VWC2: variants seen among roughly 807,000 people sequenced by gnomAD.
VWC2 encodes brorin.
In VWC2, 14 loss-of-function variants were observed where a neutral mutation model predicts 29.8. The ratio of observed to expected loss-of-function variants is 0.47; its 90% CI spans 0.31 to 0.74. The LOEUF is 0.74. VWC2 is among the 30% of genes least tolerant of loss of function. The pLI is 0.05. For missense variants in VWC2, 457 were observed against 459.8 expected (o/e 0.99, Z 0.05); for synonymous variants, 213 against 199.0 (o/e 1.07, Z -0.59).
intron 3 of VWC2, among the ~76,000 whole-genome samples, chr7:49,809,766 C>T (rs973089163): frequency 3.3e-5 from 5 of 151,882 alleles, no homozygotes; most frequent in African/African-American, 4.8e-5. Flanking sequence ...TAAATGATAA[C>T]AAAAACCACA....
intron 2 of VWC2, among the ~76,000 whole-genome samples, chr7:49,788,931 G>A (rs908673599): frequency 6.7e-6 from 1 of 149,068 alleles, no homozygotes; most frequent in Non-Finnish European, 1.5e-5. Flanking sequence ...GCCTGCATGT[G>A]TGAGAATATG....
At chr7:49,908,334 A>G (rs1793217725) in intron 3 of VWC2, among the ~76,000 whole-genome samples, 1 of 152,194 alleles carries the variant, frequency 6.6e-6, no homozygotes, top group Non-Finnish European at 1.5e-5. Context: ...CTTGTCCACA[A>G]GGAGGGGTCC....
rs763716423 is a variant in VWC2, at chr7:49,775,951, C to G, written c.516C>G (p.Gly172=). The G allele has an allele frequency of 3.2e-6, 5 of 1,552,370 alleles. No individual in the cohort carries two copies. In the East Asian group the frequency reaches 1.2e-4, roughly 37 times the overall value. Residue 172 remains glycine, a synonymous_variant, in exon 2 of 4, where the codon GGC becomes GGG. Coordinates refer to ENST00000340652, the MANE Select transcript of VWC2 (RefSeq NM_198570.5). The part of the protein sequence containing the change: ...VYAIGEKFAP[G]PSACPCLCTE... Reference sequence around the variant, plus strand: ...CGATCGGGGAGAAGTTCGCGCCGGGCCCCTCGGCCTGCCCGTGCCTGTGCA... The same window carrying G: ...CGATCGGGGAGAAGTTCGCGCCGGGGCCCTCGGCCTGCCCGTGCCTGTGCA...
At chr7:49,890,050 A>T (rs1792065368) in intron 3 of VWC2, among the ~76,000 whole-genome samples, 1 of 124,818 alleles carries the variant, frequency 8.0e-6, no homozygotes, top group Non-Finnish European at 1.7e-5. Context: ...ACCAAGGCCT[A>T]ATATTTTGTA....
chr7:49,810,775 T>C (rs917363783), intron 3 of VWC2, among the ~76,000 whole-genome samples: 1 of 152,172 alleles, frequency 6.6e-6, no homozygotes, highest in Non-Finnish European at 1.5e-5. Context: ...CGGGAAAGAA[T>C]AGTCTTTTCA....
At chr7:49,862,722 A>G (rs1293009614) in intron 3 of VWC2, among the ~76,000 whole-genome samples, 2 of 149,292 alleles carry the variant, frequency 1.3e-5, no homozygotes, top group Non-Finnish European at 1.5e-5. Flanking sequence ...TGAGATGACC[A>G]TGAGTTTTTT....
intron 3 of VWC2, among the ~76,000 whole-genome samples, chr7:49,899,113 A>T (rs564089368): frequency 6.6e-6 from 1 of 152,060 alleles, no homozygotes; most frequent in Non-Finnish European, 1.5e-5. Context: ...AGACACATAG[A>T]CTATCCCCCC....
chr7:49,844,975 A>G (rs1399097771), intron 3 of VWC2, among the ~76,000 whole-genome samples: 1 of 152,040 alleles, frequency 6.6e-6, no homozygotes, highest in Admixed American at 6.6e-5. Flanking sequence ...CAGCCACCGC[A>G]CCCGGCCGGC....
At chr7:49,910,717 T>C (rs190461800) in intron 3 of VWC2, among the ~76,000 whole-genome samples, 3 of 152,354 alleles carry the variant, frequency 2.0e-5, no homozygotes, top group Non-Finnish European at 4.4e-5. Context: ...TGATATATTA[T>C]AGCTGATATA....
intron 3 of VWC2, among the ~76,000 whole-genome samples, chr7:49,895,935 TTAAG>T (rs1405676918): frequency 6.6e-6 from 1 of 152,228 alleles, no homozygotes; most frequent in Non-Finnish European, 1.5e-5. Context: ...ATACATTCTC[TTAAG>T]TAATTCATAT....
chr7:49,864,271 GGGA>G (rs141189323), intron 3 of VWC2, among the ~76,000 whole-genome samples: 4,784 of 152,256 alleles, frequency 0.031, 230 homozygotes, highest in African/African-American at 0.11. Flanking sequence ...CAAAGAAGGA[GGGA>G]GGAGAAGATA....
intron 3 of VWC2, among the ~76,000 whole-genome samples, chr7:49,852,550 TG>T (rs1224205787): frequency 6.6e-6 from 1 of 152,088 alleles, no homozygotes; most frequent in East Asian, 1.9e-4. Context: ...AGATCATACC[TG>T]GGGATAATGC....
intron 2 of VWC2, among the ~76,000 whole-genome samples, chr7:49,789,212 T>G (rs1052851738): frequency 2.7e-5 from 4 of 149,438 alleles, no homozygotes; most frequent in African/African-American, 7.4e-5. Flanking sequence ...TGGGTGTGTG[T>G]GTGTGAGTGT....
In VWC2 at chr7:49,775,878, C is replaced by T. The variant is rs73347631; in HGVS notation, c.443C>T (p.Pro148Leu). 42,627 of 1,557,904 alleles carry T rather than the reference C, an allele frequency of 0.027. 918 individuals carry two copies. The highest frequency in any genetic ancestry group is 0.095 in the East Asian group (3,951 of 41,802). ...GAGCCACCCGAGGAGTACGTGTACC[C>T]GGACTACCGTGGCAAGGGCTGCGTG... is the stretch of plus-strand genomic sequence containing the variant. ...TPEPPEEYVY[P>L]DYRGKGCVDE... The change falls in exon 2 of 4, where the codon CCG becomes CTG. Residue 148 changes from proline to leucine, a missense_variant. By Grantham distance (98) the Pro-to-Leu change is moderately conservative. Coordinates refer to ENST00000340652, the MANE Select transcript of VWC2 (RefSeq NM_198570.5).
At chr7:49,897,386 T>A (rs1418214297) in intron 3 of VWC2, among the ~76,000 whole-genome samples, 1 of 152,142 alleles carries the variant, frequency 6.6e-6, no homozygotes, top group Non-Finnish European at 1.5e-5. Context: ...GCCACAAAAT[T>A]TCTTTTAAAA....
intron 3 of VWC2, among the ~76,000 whole-genome samples, chr7:49,835,668 A>C (rs1394334806): frequency 6.6e-6 from 1 of 152,222 alleles, no homozygotes; most frequent in African/African-American, 2.4e-5. Context: ...GGCTCAGTGG[A>C]GAATTACTGA....
intron 3 of VWC2, among the ~76,000 whole-genome samples, chr7:49,898,164 TTATATGTGTGTGTGTA>T (rs759872530): frequency 2.6e-5 from 4 of 152,026 alleles, no homozygotes; most frequent in Non-Finnish European, 5.9e-5. Flanking sequence ...TGTGTATGCT[TTATATGTGTGTGTGTA>T]TATATGTGTG....
chr7:49,838,240 G>A (rs766750575), intron 3 of VWC2, among the ~76,000 whole-genome samples: 42 of 152,200 alleles, frequency 2.8e-4, no homozygotes, highest in Non-Finnish European at 5.1e-4. Flanking sequence ...GCACACAACC[G>A]TAAAAGGCAA....
chr7:49,788,283 C>T (rs559439115), intron 2 of VWC2, among the ~76,000 whole-genome samples: 2 of 152,296 alleles, frequency 1.3e-5, no homozygotes, highest in South Asian at 4.1e-4. Flanking sequence ...GGTCACTCTA[C>T]AGTTGGGGGT....
Sources: allele counts gnomAD v4.1 joint callset (sites outside exome capture counted in the v4.1 genomes callset), GRCh38; gene constraint gnomAD v4.1.1; transcripts MANE v1.5; gene names NCBI Gene and HGNC (gene_info 2026-07-23, HGNC 2026-07-21).